Variants in FAM53B observed in about 807,000 individuals in gnomAD.
FAM53B encodes the protein protein FAM53B.
Under a neutral mutation model 32.7 loss-of-function variants are expected in FAM53B, and 12 were observed. The observed-to-expected ratio is 0.37, with a 90% confidence interval of 0.24 to 0.59. The LOEUF is 0.59. FAM53B is among the 20% of genes least tolerant of loss of function. The probability of loss-of-function intolerance (pLI) is 0.72; values close to 1 mark genes in which losing one functional copy is unlikely to be tolerated. For synonymous variants in FAM53B, 234 were observed against 228.7 expected, an observed-to-expected ratio of 1.02 and a Z score of -0.21; for missense variants, 477 against 577.7, an observed-to-expected ratio of 0.83 and a Z score of 1.79.
At chr10:124,660,052 C>A (rs1287523168) in intron 4 of FAM53B, among the ~76,000 whole-genome samples, 1 of 152,240 alleles carries the variant, frequency 6.6e-6, no homozygotes, top group Non-Finnish European at 1.5e-5. Context: ...AGTGACCCAC[C>A]CGCCTTGGCC....
intron 3 of FAM53B, among the ~76,000 whole-genome samples, chr10:124,695,160 AC>A (rs1469114888): frequency 6.6e-6 from 1 of 152,222 alleles, no homozygotes; most frequent in Non-Finnish European, 1.5e-5. Context: ...CTGAGGTCTG[AC>A]CAAAGTAACC....
chr10:124,736,566 C>T (rs1950175210), intron 1 of FAM53B, among the ~76,000 whole-genome samples: 1 of 152,292 alleles, frequency 6.6e-6, no homozygotes, highest in Non-Finnish European at 1.5e-5. Context: ...AGGCCCATGG[C>T]CAAGGCCAAT....
At chr10:124,661,055 TTAA>T (rs1218268476) in intron 4 of FAM53B, among the ~76,000 whole-genome samples, 3 of 33,582 alleles carry the variant, frequency 8.9e-5, no homozygotes, top group South Asian at 2.8e-3. Flanking sequence ...GCTACTGAAA[TTAA>T]AAAAAAAAAA....
intron 1 of FAM53B, among the ~76,000 whole-genome samples, chr10:124,709,099 G>T (rs1409724408): frequency 6.6e-6 from 1 of 152,248 alleles, no homozygotes; most frequent in Non-Finnish European, 1.5e-5. Flanking sequence ...AGTTTCATGG[G>T]GGAGGCTGGG....
At chr10:124,643,509 C>A (rs966150657) in intron 4 of FAM53B, among the ~76,000 whole-genome samples, 2 of 152,362 alleles carry the variant, frequency 1.3e-5, no homozygotes, top group South Asian at 2.1e-4. Context: ...CACTCGTCGC[C>A]CGGGCCCGGC....
At chr10:124,688,230 C>G (rs529992091) in intron 3 of FAM53B, among the ~76,000 whole-genome samples, 1 of 152,144 alleles carries the variant, frequency 6.6e-6, no homozygotes, top group Admixed American at 6.5e-5. Flanking sequence ...CGCAGAAGGG[C>G]CCCCCATCCA....
chr10:124,669,504 G>T (rs10794175), intron 4 of FAM53B, among the ~76,000 whole-genome samples: 63,937 of 152,114 alleles, frequency 0.42, 13,831 homozygotes, highest in South Asian at 0.5. Flanking sequence ...GATCCATCAG[G>T]TGATGGGCCC....
intron 1 of FAM53B, among the ~76,000 whole-genome samples, chr10:124,720,846 AG>A (rs1470245059): frequency 2.0e-5 from 3 of 152,270 alleles, no homozygotes; most frequent in African/African-American, 7.2e-5. Context: ...TAAAAGGCAG[AG>A]GGTATTATTA....
At chr10:124,647,017 T>C (rs10901796) in intron 4 of FAM53B, among the ~76,000 whole-genome samples, 61,678 of 151,788 alleles carry the variant, frequency 0.41, 13,868 homozygotes, top group Non-Finnish European at 0.52. Flanking sequence ...CGATGGGAAC[T>C]GGGAGCAGAA....
At chr10:124,738,034 C>T (rs1361302646) in intron 1 of FAM53B, among the ~76,000 whole-genome samples, 1 of 152,124 alleles carries the variant, frequency 6.6e-6, no homozygotes, top group Admixed American at 6.5e-5. Context: ...GAAATGACCT[C>T]GATGATGCCC....
chr10:124,735,021 C>T (rs1564891326), intron 1 of FAM53B, among the ~76,000 whole-genome samples: 1 of 152,198 alleles, frequency 6.6e-6, no homozygotes, highest in African/African-American at 2.4e-5. Flanking sequence ...CTAGAAGCAG[C>T]CGGAATCACA....
intron 4 of FAM53B, among the ~76,000 whole-genome samples, chr10:124,624,725 G>A (rs1949334310): frequency 6.6e-6 from 1 of 152,054 alleles, no homozygotes; most frequent in Non-Finnish European, 1.5e-5. Context: ...AGCGATGGGG[G>A]TAGGGCTGAC....
At chr10:124,716,126 C>G (rs1950037289) in intron 1 of FAM53B, among the ~76,000 whole-genome samples, 1 of 152,232 alleles carries the variant, frequency 6.6e-6, no homozygotes, top group Non-Finnish European at 1.5e-5. Context: ...CATACTCACC[C>G]CTTCCTCATC....
chr10:124,641,483 C>T (rs1179068927), intron 4 of FAM53B, among the ~76,000 whole-genome samples: 1 of 152,226 alleles, frequency 6.6e-6, no homozygotes, highest in Non-Finnish European at 1.5e-5. Context: ...AAGCACAGAA[C>T]CCACTGGGGA....
At chr10:124,711,610 T>C (rs369256981) in intron 1 of FAM53B, among the ~76,000 whole-genome samples, 85 of 152,352 alleles carry the variant, frequency 5.6e-4, no homozygotes, top group Middle Eastern at 3.4e-3. Flanking sequence ...GAGTGTATTA[T>C]GCTATATATA....
intron 4 of FAM53B, 47 bp from the exon 5 acceptor site, chr10:124,623,651 G>A (rs773069898): frequency 3.2e-5 from 50 of 1,559,454 alleles, no homozygotes; most frequent in South Asian, 2.1e-4. Flanking sequence ...CTCCCCTCCC[G>A]CAGCCCCAGG....
At chr10:124,708,841 G>C (rs1166682105) in intron 1 of FAM53B, among the ~76,000 whole-genome samples, 1 of 152,232 alleles carries the variant, frequency 6.6e-6, no homozygotes, top group Admixed American at 6.5e-5. Flanking sequence ...AGCCAGGTGG[G>C]CTCAGTAGCT....
intron 1 of FAM53B, among the ~76,000 whole-genome samples, chr10:124,731,209 C>T (rs1435476813): frequency 6.6e-6 from 1 of 152,254 alleles, no homozygotes; most frequent in Admixed American, 6.5e-5. Flanking sequence ...GCCTAACGCA[C>T]AGTGGCATTC....
chr10:124,681,282 G>A (rs527333395), intron 4 of FAM53B, among the ~76,000 whole-genome samples: 8 of 152,116 alleles, frequency 5.3e-5, no homozygotes, highest in African/African-American at 1.7e-4. Context: ...TGGGAGAGAC[G>A]GCTCCAGTGA....
Sources: allele counts gnomAD v4.1 joint callset (sites outside exome capture counted in the v4.1 genomes callset), GRCh38; gene constraint gnomAD v4.1.1; transcripts MANE v1.5; gene names NCBI Gene and HGNC (gene_info 2026-07-23, HGNC 2026-07-21).